Variants in SGCD observed in about 807,000 individuals in gnomAD.
The protein encoded by SGCD is delta-sarcoglycan.
In SGCD, 18 loss-of-function variants were observed where a neutral mutation model predicts 36.6. The ratio of observed to expected loss-of-function variants is 0.49; its 90% CI spans 0.34 to 0.73. The LOEUF (loss-of-function observed/expected upper bound fraction) is 0.73. Among genes scored for constraint, SGCD ranks in the 30% least tolerant of loss-of-function variants. The probability of loss-of-function intolerance (pLI) is 0.01; values close to 1 mark genes in which losing one functional copy is unlikely to be tolerated. For missense variants in SGCD, 387 were observed against 346.7 expected, an observed-to-expected ratio of 1.12 and a Z score of -0.92; for synonymous variants, 133 against 130.6, an observed-to-expected ratio of 1.02 and a Z score of -0.12.
chr5:156,075,125 G>T (rs558248389), intron 1 of SGCD, among the ~76,000 whole-genome samples: 31 of 152,162 alleles, frequency 2.0e-4, no homozygotes, highest in African/African-American at 7.0e-4. Context: ...AGTGTTTTTA[G>T]GTATGTACAT....
At chr5:155,962,012 G>A (rs948479211) in intron 1 of SGCD, among the ~76,000 whole-genome samples, 5 of 151,986 alleles carry the variant, frequency 3.3e-5, no homozygotes, top group South Asian at 2.1e-4. Context: ...TGAGTGCTAC[G>A]CATCAAATGC....
chr5:156,297,791 AAAATAAAT>A (rs34901027), intron 3 of SGCD, among the ~76,000 whole-genome samples: 14,859 of 144,314 alleles, frequency 0.1, 1,773 homozygotes, highest in African/African-American at 0.32. Context: ...GTATAATAAA[AAAATAAAT>A]AAATAAATAA....
chr5:156,241,045 C>G (rs935210095), intron 3 of SGCD, among the ~76,000 whole-genome samples: 1 of 152,114 alleles, frequency 6.6e-6, no homozygotes, highest in Non-Finnish European at 1.5e-5. Context: ...CAAAGCTGTT[C>G]CACTGTGAGA....
chr5:156,166,890 CT>C (rs1178581295), intron 3 of SGCD, among the ~76,000 whole-genome samples: 14 of 152,186 alleles, frequency 9.2e-5, no homozygotes, highest in Non-Finnish European at 5.9e-5. Flanking sequence ...GTTCTCAAAC[CT>C]GCGGGGCGAA....
intron 3 of SGCD, among the ~76,000 whole-genome samples, chr5:156,457,632 C>T (rs1482572189): frequency 6.6e-6 from 1 of 152,182 alleles, no homozygotes; most frequent in East Asian, 1.9e-4. Context: ...TTCAAGACCC[C>T]TGCCCAGTAA....
At chr5:156,191,276 A>G (rs1763886012) in intron 3 of SGCD, among the ~76,000 whole-genome samples, 1 of 152,136 alleles carries the variant, frequency 6.6e-6, no homozygotes, top group South Asian at 2.1e-4. Context: ...AAGACATCAA[A>G]GTATAATTCC....
intron 6 of SGCD, among the ~76,000 whole-genome samples, chr5:156,617,948 C>A (rs1287046147): frequency 6.6e-6 from 1 of 152,222 alleles, no homozygotes; most frequent in East Asian, 1.9e-4. Context: ...CACTTACCAG[C>A]CACGTGAAGT....
intron 3 of SGCD, among the ~76,000 whole-genome samples, chr5:156,484,324 T>C (rs942138620): frequency 6.6e-6 from 1 of 152,200 alleles, no homozygotes; most frequent in Non-Finnish European, 1.5e-5. Context: ...CAACATGCCA[T>C]GTACTACACT....
At chr5:155,833,017 G>A in the SGCD span, among the ~76,000 whole-genome samples, 4 of 143,750 alleles carry the variant, frequency 2.8e-5, no homozygotes, top group South Asian at 2.2e-4. Context: ...AGACCAGCCC[G>A]GTCAACATCG....
At chr5:156,644,318 A>C (rs1482131629) in intron 6 of SGCD, among the ~76,000 whole-genome samples, 1 of 152,156 alleles carries the variant, frequency 6.6e-6, no homozygotes, top group African/African-American at 2.4e-5. Flanking sequence ...TTTAGTCCAC[A>C]GCAATTTTAA....
At chr5:155,875,813 T>C (rs534194035) in intron 1 of SGCD, among the ~76,000 whole-genome samples, 15 of 152,184 alleles carry the variant, frequency 9.9e-5, no homozygotes, top group African/African-American at 3.4e-4. Context: ...GCAATACTTC[T>C]GTTGTACAGG....
chr5:155,913,452 C>A (rs761711865), intron 1 of SGCD, among the ~76,000 whole-genome samples: 17 of 151,386 alleles, frequency 1.1e-4, no homozygotes, highest in Non-Finnish European at 1.8e-4. Flanking sequence ...TCCTTTGGAA[C>A]CTTTTAGGGA....
intron 3 of SGCD, among the ~76,000 whole-genome samples, chr5:156,143,008 G>T (rs1236315075): frequency 6.6e-6 from 1 of 152,196 alleles, no homozygotes; most frequent in African/African-American, 2.4e-5. Context: ...AGAAACAGTT[G>T]AAGAAACCCT....
intron 1 of SGCD, among the ~76,000 whole-genome samples, chr5:156,029,228 A>C (rs1300005568): frequency 3.3e-5 from 5 of 152,206 alleles, no homozygotes. Flanking sequence ...AATAATATAA[A>C]CAAGGTTGAG....
chr5:156,524,289 A>T (rs1270488568), intron 4 of SGCD, among the ~76,000 whole-genome samples: 7 of 128,976 alleles, frequency 5.4e-5, no homozygotes, highest in Non-Finnish European at 4.6e-5. Flanking sequence ...ATATATAGTT[A>T]TATATATATA....
At chr5:155,744,962 A>G in the SGCD span, among the ~76,000 whole-genome samples, 1 of 152,242 alleles carries the variant, frequency 6.6e-6, no homozygotes, top group Non-Finnish European at 1.5e-5. Flanking sequence ...AACCACAAAG[A>G]GGAGGTCTTA....
the SGCD span, among the ~76,000 whole-genome samples, chr5:155,751,075 T>A: frequency 6.6e-6 from 1 of 152,148 alleles, no homozygotes; most frequent in Non-Finnish European, 1.5e-5. Context: ...ATTCTTTGAC[T>A]GTTTTATATT....
intron 7 of SGCD, among the ~76,000 whole-genome samples, chr5:156,676,635 G>A (rs1753524651): frequency 6.6e-6 from 1 of 152,108 alleles, no homozygotes; most frequent in African/African-American, 2.4e-5. Context: ...AAACCTTGAT[G>A]AGCCCTGGGG....
rs369619885 is a variant in SGCD, at chr5:156,321,428, T to C, written c.-43-8106T>C. Reference sequence around the variant, plus strand: ...GAGCGAGACTCCGACTGAAAATAAATAAACAAATAAATAAATAAATAAACA... The same window carrying C: ...GAGCGAGACTCCGACTGAAAATAAACAAACAAATAAATAAATAAATAAACA... On this transcript the variant is annotated intron_variant, in intron 3 of 9. Transcript: ENST00000517913. Among the ~76,000 whole-genome samples, 19 of 151,746 alleles carry C rather than the reference T, an allele frequency of 1.3e-4. No homozygotes were observed. The East Asian group carries it at 1.6e-3, about 12-fold the overall frequency.
Sources: allele counts gnomAD v4.1 joint callset (sites outside exome capture counted in the v4.1 genomes callset), GRCh38; gene constraint gnomAD v4.1.1; transcripts MANE v1.5; gene names NCBI Gene and HGNC (gene_info 2026-07-23, HGNC 2026-07-21).